Variants in SRBD1 observed in about 807,000 individuals in gnomAD.
SRBD1 encodes the protein S1 RNA binding domain 1, also known as S1 RNA-binding domain-containing protein 1.
SRBD1 carries 88 observed loss-of-function variants against 115.3 expected under a neutral mutation model. That is an observed-to-expected ratio of 0.76 (90% CI 0.64 to 0.91). The LOEUF is 0.91. Among genes scored for constraint, SRBD1 ranks in the 40% least tolerant of loss-of-function variants. SRBD1 has a pLI of 0.00. For synonymous variants in SRBD1, 509 were observed against 407.7 expected (o/e 1.25, Z -2.99); for missense variants, 1,385 against 1,177.4 (o/e 1.18, Z -2.58).
At chr2:45,488,123 C>G in intron 15 of SRBD1, 117 bp downstream of exon 15, 4 of 780,968 alleles carry the variant, frequency 5.1e-6, no homozygotes, top group Non-Finnish European at 6.3e-6. Context: ...TATGCCAATT[C>G]TTATGCATGT....
intron 4 of SRBD1, 70 bp downstream of exon 4, chr2:45,599,379 T>C: frequency 2.0e-6 from 3 of 1,513,906 alleles, no homozygotes; most frequent in Non-Finnish European, 2.7e-6. Flanking sequence ...CCTTAGACAG[T>C]ACAACCCCTA....
intron 1 of SRBD1, among the ~76,000 whole-genome samples, chr2:45,608,902 G>A (rs985584469): frequency 6.6e-6 from 1 of 151,550 alleles, no homozygotes; most frequent in Non-Finnish European, 1.5e-5. Flanking sequence ...CTGCCTCCCA[G>A]GTTCAAGCAA....
intron 13 of SRBD1, 63 bp downstream of exon 13, chr2:45,547,459 C>A: frequency 7.0e-7 from 1 of 1,429,638 alleles, no homozygotes; most frequent in East Asian, 2.4e-5. Context: ...AAATTAGGGG[C>A]TTCAAAGGTA....
chr2:45,550,247 A>G (rs1181568355), intron 12 of SRBD1, among the ~76,000 whole-genome samples: 1 of 152,142 alleles, frequency 6.6e-6, no homozygotes, highest in Non-Finnish European at 1.5e-5. Context: ...ACTGAAAGGT[A>G]TAATATGTAT....
chr2:45,479,817 C>G (rs972164994), intron 15 of SRBD1, among the ~76,000 whole-genome samples: 27 of 152,196 alleles, frequency 1.8e-4, no homozygotes, highest in Non-Finnish European at 3.8e-4. Flanking sequence ...TTAGGACTTT[C>G]ATAGCTAGAG....
At chr2:45,536,127 G>T (rs1035026928) in intron 14 of SRBD1, among the ~76,000 whole-genome samples, 1 of 151,740 alleles carries the variant, frequency 6.6e-6, no homozygotes, top group Admixed American at 6.6e-5. Flanking sequence ...GCTCTACTGA[G>T]AACACAACAG....
intron 5 of SRBD1, among the ~76,000 whole-genome samples, chr2:45,583,084 T>C (rs13397169): frequency 0.2 from 30,397 of 152,088 alleles, 3,249 homozygotes; most frequent in Non-Finnish European, 0.22. Context: ...TCTCATCCTA[T>C]TGTATTACCT....
intron 16 of SRBD1, among the ~76,000 whole-genome samples, chr2:45,463,295 A>C (rs1260288944): frequency 4.6e-5 from 7 of 152,186 alleles, no homozygotes; most frequent in Admixed American, 1.3e-4. Flanking sequence ...CTGCAGGATT[A>C]TGCATTTAAT....
intron 16 of SRBD1, among the ~76,000 whole-genome samples, chr2:45,468,399 T>A (rs985492807): frequency 1.3e-5 from 2 of 151,874 alleles, no homozygotes; most frequent in Non-Finnish European, 2.9e-5. Context: ...TTTTTTTTTT[T>A]TTTTTTGACA....
chr2:45,416,007 A>C (rs1667820982), intron 18 of SRBD1, among the ~76,000 whole-genome samples: 3 of 152,122 alleles, frequency 2.0e-5, no homozygotes, highest in African/African-American at 7.2e-5. Flanking sequence ...GAAATCACTA[A>C]GGAGAGATAA....
chr2:45,482,021 T>C (rs1669981631), intron 15 of SRBD1, among the ~76,000 whole-genome samples: 1 of 152,114 alleles, frequency 6.6e-6, no homozygotes, highest in South Asian at 2.1e-4. Context: ...AGGATGAAGT[T>C]ATAAAACTAG....
At chr2:45,414,774 GTA>G (rs1491163432) in intron 18 of SRBD1, among the ~76,000 whole-genome samples, 10 of 115,814 alleles carry the variant, frequency 8.6e-5, no homozygotes, top group African/African-American at 3.4e-4. Context: ...TATATAGTAT[GTA>G]CACACACACA....
In SRBD1 at chr2:45,546,824, C is replaced by T; in HGVS notation, c.1782G>A (p.Val594=). ...CCCTGCAGGCAGTTCCATTTCCAAT[C>T]ACTACTGTGCTGCAGCTTCAAGGCA... ...LLLNFNCSTV[V]IGNGTACRET... The change falls in exon 14 of 21, where the codon GTG becomes GTA. Residue 594 remains valine, a synonymous_variant. Transcript: ENST00000263736. The T allele has an allele frequency of 6.2e-7, 1 of 1,614,116 alleles. No individual in the cohort carries two copies. The highest frequency in any genetic ancestry group is 8.5e-7 in the Non-Finnish European group (1 of 1,179,996).
Position 45,418,476 on chromosome 2 carries a change from G to C in SRBD1, c.2222C>G (p.Pro741Arg). ...CTTCAGCTGTTCTCGGTTGATAAAG[G>C]GTCCATTTTTCTCTCGCCATTCAAT... is the stretch of plus-strand genomic sequence containing the variant. The part of the protein sequence containing the change: ...NIIEWREKNG[P>R]FINREQLKKV... Residue 741 changes from proline (P) to arginine (R), a missense_variant, in exon 18 of 21, where the codon CCC (proline) becomes CGC (arginine). Coordinates refer to ENST00000263736, the MANE Select transcript of SRBD1 (RefSeq NM_018079.5). 1 of 1,613,640 alleles carries C rather than the reference G, an allele frequency of 6.2e-7. No individual in the cohort carries two copies. Among genetic ancestry groups the C allele is most frequent in the Non-Finnish European group, 8.5e-7 (1 of 1,179,904 alleles).
chr2:45,390,690 T>A (rs1177379088), intron 20 of SRBD1, among the ~76,000 whole-genome samples: 1 of 152,202 alleles, frequency 6.6e-6, no homozygotes, highest in African/African-American at 2.4e-5. Flanking sequence ...GGCTTTATCC[T>A]GATGACTTGT....
intron 14 of SRBD1, among the ~76,000 whole-genome samples, chr2:45,506,033 T>C (rs564571327): frequency 1.3e-5 from 2 of 152,254 alleles, no homozygotes; most frequent in South Asian, 4.1e-4. Flanking sequence ...ACTTTGTTGC[T>C]CCTCAGACCT....
At chr2:45,532,993 C>A (rs1018152679) in intron 14 of SRBD1, among the ~76,000 whole-genome samples, 3 of 152,032 alleles carry the variant, frequency 2.0e-5, no homozygotes, top group East Asian at 1.9e-4. Flanking sequence ...CAAAATAATT[C>A]TTCACAACCC....
At chr2:45,437,044 A>G (rs1668518779) in intron 16 of SRBD1, among the ~76,000 whole-genome samples, 1 of 152,232 alleles carries the variant, frequency 6.6e-6, no homozygotes, top group African/African-American at 2.4e-5. Context: ...AGCTTAAAGT[A>G]TAAATCTAAT....
At chr2:45,446,123 C>G (rs780030188) in intron 16 of SRBD1, among the ~76,000 whole-genome samples, 1 of 152,282 alleles carries the variant, frequency 6.6e-6, no homozygotes, top group African/African-American at 2.4e-5. Flanking sequence ...AGGGCATTAA[C>G]TCAAAGTCAG....
Sources: allele counts gnomAD v4.1 joint callset (sites outside exome capture counted in the v4.1 genomes callset), GRCh38; gene constraint gnomAD v4.1.1; transcripts MANE v1.5; gene names NCBI Gene and HGNC (gene_info 2026-07-23, HGNC 2026-07-21).